The following TOX2 variants were observed in gnomAD, a reference collection of about 807,000 sequenced individuals.
The protein encoded by TOX2 is TOX high mobility group box family member 2, also known as granulosa cell HMG box 1.
Under a neutral mutation model 47.4 loss-of-function variants are expected in TOX2, and 15 were observed. That is an observed-to-expected ratio of 0.32 (90% CI 0.21 to 0.49). TOX2 has a LOEUF of 0.49. Ranked by LOEUF, TOX2 falls within the 20% of genes least tolerant of loss-of-function variation. The pLI is 0.99. For missense variants in TOX2, 622 were observed against 673.1 expected, an observed-to-expected ratio of 0.92 and a Z score of 0.84; for synonymous variants, 290 against 296.6, an observed-to-expected ratio of 0.98 and a Z score of 0.23.
At chr20:44,046,070 CAT>C (rs2071405013) in intron 3 of TOX2, among the ~76,000 whole-genome samples, 1 of 152,206 alleles carries the variant, frequency 6.6e-6, no homozygotes, top group African/African-American at 2.4e-5. Context: ...TAATCAAATA[CAT>C]ATATGTCACA....
At position 44,021,249 on chromosome 20, in the gene TOX2, GC is replaced by G. The variant is rs560668017; in HGVS notation, c.411+14460del. Among the ~76,000 whole-genome samples, 10 of 152,284 alleles carry G rather than the reference GC, an allele frequency of 6.6e-5. No homozygotes were observed. The East Asian group carries it at 1.9e-3, about 29-fold the overall frequency. The stretch of plus-strand genomic sequence containing the variant: ...GCCGGGGAAGGGATGGATCAGCAAA[GC>G]CCATTCTTTGAGATCATAGGAGGAC... On this transcript the variant is annotated intron_variant, in intron 3 of 8. Coordinates refer to ENST00000341197, the MANE Select transcript of TOX2 (RefSeq NM_001098797.2).
At chr20:44,058,004 G>C (rs990922593) in intron 5 of TOX2, among the ~76,000 whole-genome samples, 5 of 145,534 alleles carry the variant, frequency 3.4e-5, no homozygotes, top group Admixed American at 6.7e-5. Context: ...CAGGAAGGAG[G>C]CAGGACTAAC....
At chr20:44,001,113 G>A (rs777504132) in intron 2 of TOX2, among the ~76,000 whole-genome samples, 2 of 152,130 alleles carry the variant, frequency 1.3e-5, no homozygotes, top group Non-Finnish European at 2.9e-5. Context: ...AAGCTCTTAC[G>A]ACTTAGCATC....
chr20:44,021,638 CT>C (rs35088736), intron 3 of TOX2, among the ~76,000 whole-genome samples: 27 of 151,778 alleles, frequency 1.8e-4, no homozygotes, highest in Admixed American at 7.2e-4. Context: ...ACTAGGTCGA[CT>C]TTTTTTTGAG....
intron 3 of TOX2, among the ~76,000 whole-genome samples, chr20:44,049,103 G>T (rs1569133659): frequency 3.9e-5 from 6 of 152,224 alleles, no homozygotes; most frequent in Admixed American, 3.3e-4. Context: ...GCACAACTCT[G>T]TCTCAAAACA....
chr20:44,066,784 C>G lies in TOX2; in HGVS notation c.1411C>G (p.Pro471Ala). 1 of 1,614,190 alleles carries G rather than the reference C, an allele frequency of 6.2e-7. No individual in the cohort carries two copies. The highest frequency in any genetic ancestry group is 8.5e-7 in the Non-Finnish European group (1 of 1,180,028). ...CAGCTCGGGATCCTGCTCACCTGGC[C>G]CATCCAACCCCACCAGCAGCGGGGA... ...PSSSGSCSPG[P>A]SNPTSSGDWD... The change falls in exon 8 of 9, where the codon CCA becomes GCA. Residue 471 changes from proline (P) to alanine (A), a missense_variant. Coordinates refer to ENST00000341197, the MANE Select transcript of TOX2 (RefSeq NM_001098797.2).
At position 44,065,850 on chromosome 20, in the gene TOX2, G is replaced by A; in HGVS notation, c.1099G>A (p.Gly367Arg). 1 of 1,613,786 alleles carries A rather than the reference G, an allele frequency of 6.2e-7. No homozygotes were observed. The highest frequency in any genetic ancestry group is 8.5e-7 in the Non-Finnish European group (1 of 1,179,734). The change falls in exon 7 of 9, where the codon GGG becomes AGG. Residue 367 changes from glycine (G) to arginine (R), a missense_variant. Transcript: ENST00000341197. ...TPSDLQAFRS[G>R]ASPASLARTL... ...GTCGGACCTGCAGGCCTTCCGCAGT[G>A]GGGCCTCCCCTGCCAGCCTCGCCCG...
intron 3 of TOX2, among the ~76,000 whole-genome samples, chr20:44,035,520 C>T (rs1476433759): frequency 6.6e-6 from 1 of 152,152 alleles, no homozygotes; most frequent in Non-Finnish European, 1.5e-5. Context: ...TCCTGTTCCC[C>T]CACGACCACC....
chr20:44,065,357 G>A (rs1488289044), intron 6 of TOX2, among the ~76,000 whole-genome samples: 2 of 152,172 alleles, frequency 1.3e-5, no homozygotes, highest in African/African-American at 4.8e-5. Flanking sequence ...GTCTATAACA[G>A]GCCAAGTAAA....
At chr20:44,038,661 C>T (rs1262252552) in intron 3 of TOX2, among the ~76,000 whole-genome samples, 1 of 151,998 alleles carries the variant, frequency 6.6e-6, no homozygotes, top group African/African-American at 2.4e-5. Context: ...AAAATTCCGC[C>T]TTCCTGGGCT....
At chr20:43,969,193 A>G (rs972327106) in intron 1 of TOX2, among the ~76,000 whole-genome samples, 2 of 152,222 alleles carry the variant, frequency 1.3e-5, no homozygotes, top group Non-Finnish European at 2.9e-5. Context: ...GGTGTTACCC[A>G]TGGACATGAT....
intron 3 of TOX2, among the ~76,000 whole-genome samples, chr20:44,013,038 A>AC (rs1261748320): frequency 6.6e-6 from 1 of 152,130 alleles, no homozygotes; most frequent in Non-Finnish European, 1.5e-5. Context: ...TTGCCACTTG[A>AC]CCACCTTGCT....
chr20:44,030,569 C>T (rs1233098093), intron 3 of TOX2, among the ~76,000 whole-genome samples: 2 of 152,208 alleles, frequency 1.3e-5, no homozygotes, highest in Non-Finnish European at 2.9e-5. Flanking sequence ...CAAATCAGGG[C>T]CTTTCCTGAT....
In TOX2 at chr20:43,984,783, T is replaced by C. The variant is rs144268833; in HGVS notation, c.165+11351T>C. 1.8e-3 allele frequency among the ~76,000 whole-genome samples: 279 copies of C among 152,232 alleles called. 1 individual carries two copies. The highest frequency in any genetic ancestry group is 6.6e-3 in the African/African-American group (275 of 41,546). The stretch of plus-strand genomic sequence containing the variant: ...AAATTGAATCCCAGGAAATGTTCAC[T>C]CTCTCTAAATGGGATGGAAACAATG... On this transcript the variant is annotated intron_variant, in intron 2 of 8. Coordinates refer to ENST00000341197, the MANE Select transcript of TOX2 (RefSeq NM_001098797.2).
At chr20:43,965,224 A>G (rs1466888942) in intron 1 of TOX2, among the ~76,000 whole-genome samples, 2 of 152,112 alleles carry the variant, frequency 1.3e-5, no homozygotes, top group Admixed American at 1.3e-4. Flanking sequence ...GAGTAAGACT[A>G]TTGATTGACT....
At chr20:43,983,642 C>T (rs557721687) in intron 2 of TOX2, among the ~76,000 whole-genome samples, 346 of 152,288 alleles carry the variant, frequency 2.3e-3, no homozygotes, top group African/African-American at 8.0e-3. Context: ...TGGTATCACT[C>T]TGAACCTGTT....
intron 2 of TOX2, among the ~76,000 whole-genome samples, chr20:43,996,717 G>C (rs1446954300): frequency 6.6e-6 from 1 of 151,820 alleles, no homozygotes; most frequent in Non-Finnish European, 1.5e-5. Flanking sequence ...CTGTTTCCTG[G>C]TATAATTCTC....
intron 1 of TOX2, chr20:43,955,160 G>C (rs776518315): frequency 1.9e-5 from 15 of 784,518 alleles, no homozygotes; most frequent in Non-Finnish European, 2.2e-5. Context: ...GTTGCCTGAG[G>C]CTCCACTGAA....
At chr20:44,038,577 T>C (rs539742450) in intron 3 of TOX2, among the ~76,000 whole-genome samples, 1 of 151,774 alleles carries the variant, frequency 6.6e-6, no homozygotes, top group Non-Finnish European at 1.5e-5. Flanking sequence ...AAAATTTAAT[T>C]GTGGGGGAAA....
Sources: gnomAD v4.1 joint callset for allele counts (sites outside exome capture counted in the v4.1 genomes callset) on GRCh38, gnomAD v4.1.1 for gene constraint, MANE v1.5 for transcripts, NCBI Gene and HGNC (gene_info 2026-07-23, HGNC 2026-07-21) for gene names.